The following MYG1 variants were observed in gnomAD, a reference collection of about 807,000 sequenced individuals.
The protein encoded by MYG1 is MYG1 exonuclease.
A neutral mutation model predicts 43.5 loss-of-function variants in MYG1; 36 were observed. That is an observed-to-expected ratio of 0.83 (90% CI 0.63 to 1.09). The LOEUF is 1.09. Ranked by LOEUF, MYG1 falls within the 50% of genes least tolerant of loss-of-function variation. MYG1 has a pLI of 0.00. For synonymous variants in MYG1, 220 were observed against 202.8 expected, an observed-to-expected ratio of 1.08 and a Z score of -0.72; for missense variants, 529 against 495.1, an observed-to-expected ratio of 1.07 and a Z score of -0.65.
chr12:53,303,159 A>C lies in MYG1; in HGVS notation c.455A>C (p.Glu152Ala). 6.2e-7 allele frequency: 1 copy of C among 1,614,148 alleles called. No homozygotes were observed. Among genetic ancestry groups the C allele is most frequent in the East Asian group, 2.2e-5 (1 of 44,874 alleles). The change falls in exon 3 of 7, where the codon GAA becomes GCA. Residue 152 changes from glutamate to alanine, a missense_variant. Coordinates refer to ENST00000267103, the MANE Select transcript of MYG1 (RefSeq NM_021640.4). Reference protein sequence around the residue: ...KLLAQLLGTSEEDSMVGTLYD... With the variant: ...KLLAQLLGTSAEDSMVGTLYD... ...CTGGCCCAGTTGCTGGGCACTAGTG[A>C]AGAGGACAGCATGGTGGGCACCCTC...
chr12:53,300,529 C>G (rs1464311787), intron 2 of MYG1, among the ~76,000 whole-genome samples: 5 of 152,224 alleles, frequency 3.3e-5, no homozygotes, highest in African/African-American at 9.7e-5. Context: ...CCATCAGCAA[C>G]TTCATCACCC....
intron 2 of MYG1, among the ~76,000 whole-genome samples, chr12:53,302,336 A>G (rs1565773351): frequency 6.6e-6 from 1 of 152,214 alleles, no homozygotes; most frequent in Non-Finnish European, 1.5e-5. Context: ...TCCCTAGGTA[A>G]TTCTGAGATG....
chr12:53,302,844 CA>C (rs1944241447), intron 2 of MYG1, among the ~76,000 whole-genome samples, 189 bp from the exon 3 acceptor site: 2 of 152,170 alleles, frequency 1.3e-5, no homozygotes, highest in African/African-American at 4.8e-5. Flanking sequence ...TGAGAGTACT[CA>C]GGGGGTTGTG....
At chr12:53,305,366 A>G (rs1944265470) in intron 3 of MYG1, among the ~76,000 whole-genome samples, 1 of 152,116 alleles carries the variant, frequency 6.6e-6, no homozygotes, top group Non-Finnish European at 1.5e-5. Context: ...CCATTTATTC[A>G]GACCCAGGAG....
intron 2 of MYG1, among the ~76,000 whole-genome samples, chr12:53,302,100 G>C (rs1281525414): frequency 1.3e-5 from 2 of 152,140 alleles, no homozygotes; most frequent in Non-Finnish European, 2.9e-5. Flanking sequence ...TCCTGCCTCA[G>C]CTTCCCAAGA....
intron 3 of MYG1, chr12:53,303,491 A>T (rs1272580189): frequency 6.7e-6 from 2 of 298,350 alleles, no homozygotes; most frequent in African/African-American, 4.4e-5. Context: ...GCAATTGCTC[A>T]GCACCTTTGG....
Position 53,307,047 on chromosome 12 carries a change from C to G in MYG1, c.1029C>G (p.Val343=), listed in dbSNP as rs538724342. 813 of 1,614,260 alleles carry G rather than the reference C, an allele frequency of 5.0e-4. 11 individuals are homozygous for G. The South Asian group carries it at 8.3e-3, about 17-fold the overall frequency. Residue 343 remains valine, a synonymous_variant, in exon 7 of 7, where the codon GTC becomes GTG. Coordinates refer to ENST00000267103, the MANE Select transcript of MYG1 (RefSeq NM_021640.4). ...QVSGIPGCIF[V]HASGFTGGHH... ...GTGGGATCCCTGGCTGCATCTTCGT[C>G]CATGCAAGCGGCTTCACTGGCGGTC...
Position 53,306,761 on chromosome 12 carries a change from C to A in MYG1, c.847C>A (p.Leu283Met), listed in dbSNP as rs1944287259. ...KEHLYHLESG[L>M]SPPVAIFFVI... is the part of the protein sequence containing the mutation. The stretch of plus-strand genomic sequence containing the variant: ...GCATCTCTACCACCTGGAATCTGGG[C>A]TGTCCCCTCCAGTGGCCATCTTCTT... Residue 283 changes from leucine to methionine, a missense_variant, in exon 6 of 7, where the codon CTG (leucine) becomes ATG (methionine). Coordinates refer to ENST00000267103, the MANE Select transcript of MYG1 (RefSeq NM_021640.4). 2 of 1,614,110 alleles carry A rather than the reference C, an allele frequency of 1.2e-6. No homozygotes were observed. Among genetic ancestry groups the A allele is most frequent in the South Asian group, 2.2e-5 (2 of 91,092 alleles).
chr12:53,303,866 T>C (rs10747663), intron 3 of MYG1: 144,520 of 152,214 alleles, frequency 0.95, 69,076 homozygotes, highest in East Asian at 1. Flanking sequence ...TGTTTTGAGA[T>C]GGAGTCTTGC....
chr12:53,301,774 C>T lies in MYG1; in HGVS notation c.330-1260C>T, dbSNP rs559267273. 5.3e-5 allele frequency among the ~76,000 whole-genome samples: 8 copies of T among 151,528 alleles called. No individual in the cohort carries two copies. The South Asian group carries it at 1.5e-3, about 28-fold the overall frequency. On this transcript the variant is annotated intron_variant, in intron 2 of 6. Coordinates refer to ENST00000267103, the MANE Select transcript of MYG1 (RefSeq NM_021640.4). ...TGTGATCTCGACTCACTGCAACCTC[C>T]GTCTGCTGGGTTCAAGTGATTCTCC...
intron 5 of MYG1, 157 bp from the exon 6 acceptor site, chr12:53,306,523 T>C: frequency 9.2e-7 from 1 of 1,083,700 alleles, no homozygotes. Context: ...TTTGTATTTT[T>C]TGTAGAGACA....
At position 53,300,220 on chromosome 12, in the gene MYG1, G is replaced by T; in HGVS notation, c.287G>T (p.Gly96Val). ...TGTGACATCGTGGTGGACGTGGGGG[G>T]CGAGTACGACCCTCGGAGACACCGA... ...ASCDIVVDVG[G>V]EYDPRRHRYD... is the part of the protein sequence containing the mutation. Residue 96 changes from glycine (G) to valine (V), a missense_variant, in exon 2 of 7, where the codon GGC becomes GTC. Gly to Val is a moderately radical substitution (Grantham distance 109, BLOSUM62 -3). Transcript: ENST00000267103. The T allele has an allele frequency of 6.2e-7, 1 of 1,604,140 alleles. No individual in the cohort carries two copies. The highest frequency in any genetic ancestry group is 8.5e-7 in the Non-Finnish European group (1 of 1,175,164).
At chr12:53,303,338 G>A in intron 3 of MYG1, 145 bp downstream of exon 3, 1 of 870,642 alleles carries the variant, frequency 1.1e-6, no homozygotes, top group Admixed American at 3.0e-5. Context: ...CCCTCAGTCA[G>A]GCTCATCTCA....
rs747388893 is a variant in MYG1, at chr12:53,305,980, C to T, written c.562C>T (p.Arg188Ter). Residue 188 changes from arginine (R) to a stop codon, truncating the protein, a stop_gained, in exon 4 of 7, where the codon CGA becomes TGA. Coordinates refer to ENST00000267103, the MANE Select transcript of MYG1 (RefSeq NM_021640.4). LOFTEE classifies it high-confidence loss of function. ...GISQWAEGEP[R>*]YALTTTLSAR... ...CTCCCAGTGGGCAGAGGGGGAGCCT[C>T]GATATGCACTGACCACTACCCTGAG... The T allele has an allele frequency of 2.5e-6, 4 of 1,614,018 alleles. No homozygotes were observed. Among genetic ancestry groups the T allele is most frequent in the East Asian group, 2.2e-5 (1 of 44,884 alleles).
chr12:53,303,173 GT>G lies in MYG1; in HGVS notation c.470del (p.Val157GlyfsTer35). ...LLGTSEEDSM[V>X]GTLYDKMYEN... ...GGGCACTAGTGAAGAGGACAGCATG[GT>G]GGGCACCCTCTATGACAAGGTGGGG... On this transcript the variant is annotated frameshift_variant, in exon 3 of 7. Coordinates refer to ENST00000267103, the MANE Select transcript of MYG1 (RefSeq NM_021640.4). LOFTEE classifies it high-confidence loss of function. 1 of 1,614,042 alleles carries G rather than the reference GT, an allele frequency of 6.2e-7. No individual in the cohort carries two copies. Among genetic ancestry groups the G allele is most frequent in the Non-Finnish European group, 8.5e-7 (1 of 1,179,994 alleles).
chr12:53,300,723 C>G (rs1283085874), intron 2 of MYG1, among the ~76,000 whole-genome samples: 1 of 152,094 alleles, frequency 6.6e-6, no homozygotes, highest in East Asian at 1.9e-4. Flanking sequence ...TCCTTTTCTT[C>G]TCCCTCAAGC....
At position 53,307,123 on chromosome 12, in the gene MYG1, C is replaced by T. The variant is rs772716522; in HGVS notation, c.1105C>T (p.Arg369Cys). 7 of 1,611,870 alleles carry T rather than the reference C, an allele frequency of 4.3e-6. No individual in the cohort carries two copies. The highest frequency in any genetic ancestry group is 1.7e-4 in the Middle Eastern group (1 of 6,044). The change falls in exon 7 of 7, where the codon CGC (arginine) becomes TGC (cysteine). Residue 369 changes from arginine to cysteine, a missense_variant. By Grantham distance (180) the Arg-to-Cys change is radical (BLOSUM62 -3). Coordinates refer to ENST00000267103, the MANE Select transcript of MYG1 (RefSeq NM_021640.4). ...CATGGCCCGTGCCACCTTGGCCCAG[C>T]GCTCATACCTCCCACAAATCTCCTA... ...LSMARATLAQ[R>C]SYLPQIS
intron 3 of MYG1, among the ~76,000 whole-genome samples, chr12:53,304,139 G>A (rs1043788681): frequency 7.3e-5 from 11 of 151,608 alleles, no homozygotes; most frequent in African/African-American, 1.5e-4. Flanking sequence ...CACTGCACCC[G>A]GCCCATCAGT....
At chr12:53,306,401 AC>A in intron 5 of MYG1, 81 bp downstream of exon 5, 1 of 1,575,008 alleles carries the variant, frequency 6.3e-7, no homozygotes, top group Non-Finnish European at 8.6e-7. Flanking sequence ...TCTACCCTAA[AC>A]CCTGGAGTGC....
Sources: gnomAD v4.1 joint callset for allele counts (sites outside exome capture counted in the v4.1 genomes callset) on GRCh38, gnomAD v4.1.1 for gene constraint, MANE v1.5 for transcripts, NCBI Gene and HGNC (gene_info 2026-07-23, HGNC 2026-07-21) for gene names.